The following AMD1 variants were observed in gnomAD, a reference collection of about 807,000 sequenced individuals.
The protein encoded by AMD1 is S-adenosylmethionine decarboxylase proenzyme.
Under a neutral mutation model 40.2 loss-of-function variants are expected in AMD1, and 11 were observed. That is an observed-to-expected ratio of 0.27 (90% CI 0.17 to 0.45). The LOEUF is 0.45. AMD1 is among the 20% of genes least tolerant of loss of function. The probability of loss-of-function intolerance (pLI) is 1.00; values close to 1 mark genes in which losing one functional copy is unlikely to be tolerated. For synonymous variants in AMD1, 121 were observed against 130.8 expected (o/e 0.93, Z 0.51); for missense variants, 257 against 410.2 (o/e 0.63, Z 3.23).
At chr6:110,892,515 A>G (rs1786080611) in intron 6 of AMD1, 72 bp downstream of exon 6, 1 of 1,589,666 alleles carries the variant, frequency 6.3e-7, no homozygotes, top group African/African-American at 1.4e-5. Context: ...TCATTCTGTA[A>G]CTTTTAAGTT....
chr6:110,821,473 G>A, the AMD1 span, among the ~76,000 whole-genome samples: 1 of 152,090 alleles, frequency 6.6e-6, no homozygotes, highest in Non-Finnish European at 1.5e-5. Flanking sequence ...AATTAGCCGA[G>A]TGTGGTGGCG....
At chr6:110,857,912 A>G in the AMD1 span, among the ~76,000 whole-genome samples, 2 of 151,708 alleles carry the variant, frequency 1.3e-5, no homozygotes, top group African/African-American at 2.4e-5. Context: ...ATAGCTTACT[A>G]TAGCCTAGAA....
In AMD1 at chr6:110,875,020, T is replaced by C; in HGVS notation, c.-86T>C. ...AACTTTAGTAACACAGCTGGAACAA[T>C]CCGCAGCGGCGGCGGCAGCGGCGGG... On this transcript the variant is annotated 5_prime_UTR_variant, in exon 1 of 9. Transcript: ENST00000368885. 2 of 1,014,618 alleles carry C rather than the reference T, an allele frequency of 2.0e-6. No homozygotes were observed. The highest frequency in any genetic ancestry group is 2.7e-5 in the South Asian group (2 of 73,406). The allele number at this position is 1,014,618 out of a possible 1,614,324, so 62.9% of individuals were successfully genotyped here.
intron 8 of AMD1, 90 bp from the exon 9 acceptor site, chr6:110,893,386 A>T (rs1460863394): frequency 6.6e-7 from 1 of 1,524,062 alleles, no homozygotes; most frequent in Non-Finnish European, 8.9e-7. Context: ...TCTTAGTTTC[A>T]TTAAGATAAA....
chr6:110,867,713 G>A, the AMD1 span, among the ~76,000 whole-genome samples: 1 of 152,030 alleles, frequency 6.6e-6, no homozygotes, highest in South Asian at 2.1e-4. Context: ...TTCAAAAGCA[G>A]TTAAAAAAAT....
chr6:110,861,669 C>A, the AMD1 span, among the ~76,000 whole-genome samples: 1 of 151,804 alleles, frequency 6.6e-6, no homozygotes, highest in African/African-American at 2.4e-5. Context: ...TAGTGAAACC[C>A]CATCTTTACT....
chr6:110,843,104 G>T, the AMD1 span, among the ~76,000 whole-genome samples: 1 of 151,876 alleles, frequency 6.6e-6, no homozygotes, highest in Admixed American at 6.6e-5. Context: ...CTGCACTCCA[G>T]CCTGGGCGAC....
chr6:110,835,246 C>T, the AMD1 span, among the ~76,000 whole-genome samples: 4 of 151,260 alleles, frequency 2.6e-5, no homozygotes, highest in African/African-American at 7.3e-5. Context: ...TCTCAATCTC[C>T]TGACCTCGTG....
chr6:110,829,713 G>A, the AMD1 span, among the ~76,000 whole-genome samples: 21 of 151,766 alleles, frequency 1.4e-4, no homozygotes, highest in Non-Finnish European at 2.2e-4. Flanking sequence ...AGGCATGGTG[G>A]CACGAGCCTG....
the AMD1 span, among the ~76,000 whole-genome samples, chr6:110,833,790 G>T: frequency 6.6e-6 from 1 of 152,182 alleles, no homozygotes; most frequent in African/African-American, 2.4e-5. Flanking sequence ...GAGGGAGGAG[G>T]ATTGTTTGAG....
the AMD1 span, among the ~76,000 whole-genome samples, chr6:110,852,982 C>CTTT: frequency 1.1e-4 from 12 of 111,468 alleles, no homozygotes; most frequent in African/African-American, 2.4e-4. Flanking sequence ...TAATTAAGCA[C>CTTT]TTTTTTTTTT....
chr6:110,824,288 G>A, the AMD1 span, among the ~76,000 whole-genome samples: 1 of 152,178 alleles, frequency 6.6e-6, no homozygotes, highest in African/African-American at 2.4e-5. Flanking sequence ...GATGGGGCTG[G>A]AGGCCATTAT....
chr6:110,832,863 C>T, the AMD1 span, among the ~76,000 whole-genome samples: 1 of 152,152 alleles, frequency 6.6e-6, no homozygotes, highest in Admixed American at 6.6e-5. Flanking sequence ...CTCTGTCACC[C>T]AGGCTGGAGA....
intron 1 of AMD1, 44 bp downstream of exon 1, chr6:110,875,259 T>TCGC: frequency 6.7e-7 from 1 of 1,482,774 alleles, no homozygotes; most frequent in Non-Finnish European, 9.2e-7. Flanking sequence ...CTGGGGGCTG[T>TCGC]CGCCGCCGCC....
At chr6:110,845,510 G>T in the AMD1 span, among the ~76,000 whole-genome samples, 3 of 152,190 alleles carry the variant, frequency 2.0e-5, no homozygotes, top group Non-Finnish European at 2.9e-5. Flanking sequence ...GGTGAAATGA[G>T]TATATTAGCA....
the AMD1 span, chr6:110,814,717 G>A: frequency 1.7e-6 from 1 of 599,866 alleles, no homozygotes. Flanking sequence ...CTCCACCGCG[G>A]TCCCAACTCG....
chr6:110,879,184 A>G lies in AMD1; in HGVS notation c.110+3969A>G, dbSNP rs9487546. On this transcript the variant is annotated intron_variant, in intron 1 of 8. Transcript: ENST00000368885. ...GTGAAATCCTGACTCTACAAAAAAA[A>G]TTGAAAAATTATCTGTGCGTGCTGG... Among the ~76,000 whole-genome samples the G allele has an allele frequency of 4.5e-3, 686 of 152,266 alleles. 4 individuals are homozygous for G. The highest frequency in any genetic ancestry group is 0.016 in the African/African-American group (666 of 41,540).
the AMD1 span, among the ~76,000 whole-genome samples, chr6:110,831,555 G>T: frequency 0.01 from 1,573 of 151,856 alleles, 29 homozygotes; most frequent in African/African-American, 0.036. Context: ...TTCACCTTCC[G>T]AAGTGCCGGG....
chr6:110,846,355 AT>A, the AMD1 span, among the ~76,000 whole-genome samples: 3 of 152,198 alleles, frequency 2.0e-5, no homozygotes, highest in South Asian at 6.2e-4. Context: ...TCTAAAATTA[AT>A]TTTTTCCTTT....
Sources: gnomAD v4.1 joint callset for allele counts (sites outside exome capture counted in the v4.1 genomes callset) on GRCh38, gnomAD v4.1.1 for gene constraint, MANE v1.5 for transcripts, NCBI Gene and HGNC (gene_info 2026-07-23, HGNC 2026-07-21) for gene names.